TLE4: variants seen among roughly 807,000 people sequenced by gnomAD.
TLE4 encodes the protein transducin-like enhancer protein 4.
A neutral mutation model predicts 92.8 loss-of-function variants in TLE4; 8 were observed. That is an observed-to-expected ratio of 0.09 (90% confidence interval 0.05 to 0.16). The LOEUF is 0.16. Among genes scored for constraint, TLE4 ranks in the 10% least tolerant of loss-of-function variants. TLE4 has a pLI of 1.00. For synonymous variants in TLE4, 371 were observed against 374.1 expected (o/e 0.99, Z 0.10); for missense variants, 675 against 997.6 (o/e 0.68, Z 4.36).
chr9:79,654,000 C>T, intron 7 of TLE4, 59 bp from the exon 8 acceptor site: 1 of 1,586,558 alleles, frequency 6.3e-7, no homozygotes, highest in Non-Finnish European at 8.7e-7. Context: ...CTAACTAGTA[C>T]TTTTCTTTTC....
At chr9:79,599,068 G>A (rs901653463) in intron 4 of TLE4, among the ~76,000 whole-genome samples, 6 of 151,846 alleles carry the variant, frequency 4.0e-5, no homozygotes, top group Non-Finnish European at 7.4e-5. Context: ...TCTTCTTTCC[G>A]TCCACAACAT....
At chr9:79,690,482 G>A (rs574894225) in intron 8 of TLE4, among the ~76,000 whole-genome samples, 2 of 152,294 alleles carry the variant, frequency 1.3e-5, no homozygotes, top group South Asian at 4.1e-4. Context: ...GATTAGATCA[G>A]TAGTTATGAA....
At chr9:79,646,704 G>C (rs1338279423) in intron 6 of TLE4, among the ~76,000 whole-genome samples, 1 of 152,052 alleles carries the variant, frequency 6.6e-6, no homozygotes, top group Non-Finnish European at 1.5e-5. Flanking sequence ...ACAGAAAGGG[G>C]TCTCATTTAT....
chr9:79,658,397 T>C (rs1401108847), intron 8 of TLE4, among the ~76,000 whole-genome samples: 1 of 152,212 alleles, frequency 6.6e-6, no homozygotes, highest in South Asian at 2.1e-4. Context: ...TCCTTGATTT[T>C]GTTTAAAGGT....
intron 16 of TLE4, among the ~76,000 whole-genome samples, chr9:79,721,368 T>G (rs953613039): frequency 2.0e-5 from 3 of 152,196 alleles, no homozygotes; most frequent in Non-Finnish European, 4.4e-5. Context: ...AAGGGAAAAT[T>G]AAATTCTCTC....
At position 79,599,128 on chromosome 9, in the gene TLE4, G is replaced by A. The variant is rs542982406; in HGVS notation, c.253-13528G>A. Among the ~76,000 whole-genome samples the A allele has an allele frequency of 2.0e-5, 3 of 152,242 alleles. No homozygotes were observed. In the South Asian group the frequency reaches 6.2e-4, roughly 32 times the overall value. ...GGATGGAGGACAGAAATGCACTGTG[G>A]TGTCTTGACCTGTCTGGTACTTATC... On this transcript the variant is annotated intron_variant, in intron 4 of 19. Transcript: ENST00000376552.
chr9:79,662,170 A>G (rs2060623182), intron 8 of TLE4, among the ~76,000 whole-genome samples: 1 of 152,228 alleles, frequency 6.6e-6, no homozygotes, highest in Non-Finnish European at 1.5e-5. Flanking sequence ...TGAACTTTCT[A>G]AGATATGGTG....
At chr9:79,657,588 G>A (rs1367953507) in intron 8 of TLE4, among the ~76,000 whole-genome samples, 1 of 152,122 alleles carries the variant, frequency 6.6e-6, no homozygotes, top group Non-Finnish European at 1.5e-5. Flanking sequence ...TGCCCAGACT[G>A]AACCAGTGCT....
At chr9:79,707,448 T>A (rs1016654350) in intron 11 of TLE4, among the ~76,000 whole-genome samples, 2 of 152,236 alleles carry the variant, frequency 1.3e-5, no homozygotes, top group African/African-American at 4.8e-5. Flanking sequence ...ATTGCAACTT[T>A]GTGTGGTGTG....
chr9:79,592,216 C>CTTCTTCTTCTTCCTCT (rs1564203884), intron 4 of TLE4, among the ~76,000 whole-genome samples: 1 of 98,288 alleles, frequency 1.0e-5, no homozygotes, highest in Non-Finnish European at 2.1e-5. Context: ...CTTCTTCTTC[C>CTTCTTCTTCTTCCTCT]TCTTCTTCTT....
chr9:79,621,092 A>G (rs1376326722), intron 5 of TLE4, among the ~76,000 whole-genome samples: 1 of 152,230 alleles, frequency 6.6e-6, no homozygotes, highest in Non-Finnish European at 1.5e-5. Flanking sequence ...GTATCAGATT[A>G]ATGTTTCTTT....
chr9:79,580,839 ATCTT>A (rs1564115273), intron 4 of TLE4, among the ~76,000 whole-genome samples: 8 of 152,110 alleles, frequency 5.3e-5, no homozygotes, highest in African/African-American at 1.9e-4. Context: ...ACAGAACTTT[ATCTT>A]GCTTCAGAAA....
chr9:79,572,658 G>A lies in TLE4; in HGVS notation c.-133G>A, dbSNP rs1280221049. 6 of 644,926 alleles carry A rather than the reference G, an allele frequency of 9.3e-6. No individual in the cohort carries two copies. The highest frequency in any genetic ancestry group is 7.8e-4 in the Middle Eastern group (2 of 2,564). 40.0% of individuals were successfully genotyped at this position (644,926 alleles called of 1,614,324 possible). On this transcript the variant is annotated 5_prime_UTR_variant, in exon 1 of 20. Coordinates refer to ENST00000376552, the MANE Select transcript of TLE4 (RefSeq NM_007005.6). Reference sequence around the variant, plus strand: ...CGCCCGTGTCACGCGAGACCCGGCGGGGGCCGGGACCGCCCGAGCCGCCCC... The same window carrying A: ...CGCCCGTGTCACGCGAGACCCGGCGAGGGCCGGGACCGCCCGAGCCGCCCC...
intron 4 of TLE4, among the ~76,000 whole-genome samples, chr9:79,576,980 C>A (rs945290565): frequency 2.0e-5 from 3 of 150,194 alleles, no homozygotes; most frequent in Non-Finnish European, 3.0e-5. Flanking sequence ...TATATACATA[C>A]ATATATATAT....
chr9:79,617,991 G>A (rs1385117392), intron 5 of TLE4, among the ~76,000 whole-genome samples: 3 of 152,202 alleles, frequency 2.0e-5, no homozygotes, highest in Non-Finnish European at 4.4e-5. Context: ...CCCAGCGTCA[G>A]CTGGCAGGAA....
intron 4 of TLE4, among the ~76,000 whole-genome samples, chr9:79,586,424 C>T (rs2041123233): frequency 6.6e-6 from 1 of 151,798 alleles, no homozygotes; most frequent in South Asian, 2.1e-4. Context: ...TAAAGTGATC[C>T]AATAATTTTC....
rs530542064 is a variant in TLE4 at position 79,652,742 on chromosome 9, C to G, written c.540C>G (p.Ser180=). The change falls in exon 7 of 20, where the codon TCC becomes TCG. Residue 180 remains serine (S), a synonymous_variant. Transcript: ENST00000376552. ...LALSSALGGQ[S]HLPIKDEKKH... ...TCTCCAGTGCTCTAGGAGGTCAGTC[C>G]CATCTTCCAATTAAAGATGAGAAGA... The G allele has an allele frequency of 1.7e-5, 27 of 1,614,102 alleles. No homozygotes were observed. Among genetic ancestry groups the G allele is most frequent in the Middle Eastern group, 3.3e-4 (2 of 6,062 alleles).
intron 6 of TLE4, among the ~76,000 whole-genome samples, chr9:79,643,599 T>C (rs771278039): frequency 5.3e-5 from 8 of 152,180 alleles, no homozygotes; most frequent in Non-Finnish European, 1.2e-4. Flanking sequence ...TCTTCCACAG[T>C]CTACATTTGT....
intron 4 of TLE4, among the ~76,000 whole-genome samples, chr9:79,601,708 C>G (rs955333296): frequency 2.0e-4 from 30 of 152,092 alleles, no homozygotes; most frequent in African/African-American, 7.2e-4. Context: ...TCAGGCTTCC[C>G]CATTCTCTGA....
Sources: allele counts gnomAD v4.1 joint callset (sites outside exome capture counted in the v4.1 genomes callset), GRCh38; gene constraint gnomAD v4.1.1; transcripts MANE v1.5; gene names NCBI Gene and HGNC (gene_info 2026-07-23, HGNC 2026-07-21).